GTF2IRD2: variants seen among roughly 807,000 people sequenced by gnomAD.
GTF2IRD2 encodes general transcription factor II-I repeat domain-containing protein 2A.
GTF2IRD2 carries 8 observed loss-of-function variants against 49.2 expected under a neutral mutation model. The observed-to-expected ratio is 0.16, with a 90% CI of 0.10 to 0.29. The LOEUF (loss-of-function observed/expected upper bound fraction) is 0.29, where lower values mean the gene tolerates loss of function less well. Among genes scored for constraint, GTF2IRD2 ranks in the 10% least tolerant of loss-of-function variants. GTF2IRD2 has a pLI of 1.00. For synonymous variants in GTF2IRD2, 47 were observed against 289.7 expected (o/e 0.16, Z 8.51); for missense variants, 130 against 725.7 (o/e 0.18, Z 9.43).
rs782473090 is a variant in GTF2IRD2, at chr7:74,846,806, C to CT, written c.-6+4560dup. Among the ~76,000 whole-genome samples, 115 of 44,964 alleles carry CT rather than the reference C, an allele frequency of 2.6e-3. 1 individual carries two copies. The highest frequency in any genetic ancestry group is 4.5e-3 in the Non-Finnish European group (92 of 20,522). 29.5% of individuals were successfully genotyped at this position (44,964 alleles called of 152,430 possible). A position where few individuals can be genotyped will look rare whatever the true frequency, so the allele number is the denominator to read the frequency against. On this transcript the variant is annotated intron_variant, in intron 1 of 15. Coordinates refer to ENST00000451013, the MANE Select transcript of GTF2IRD2 (RefSeq NM_173537.5). The stretch of plus-strand genomic sequence containing the variant: ...TTACCATGCGCCTGGCTAATTTTGA[C>CT]TTTTTTTTTTTTTTTTTTTTTTTGT...
At chr7:74,829,875 G>A (rs1292961608) in intron 3 of GTF2IRD2, among the ~76,000 whole-genome samples, 4 of 119,238 alleles carry the variant, frequency 3.4e-5, no homozygotes, top group Admixed American at 8.3e-5. Flanking sequence ...GCGATAGAGC[G>A]AGATTCTGTC....
At chr7:74,799,990 G>A (rs1455362997) in intron 15 of GTF2IRD2, among the ~76,000 whole-genome samples, 3 of 131,704 alleles carry the variant, frequency 2.3e-5, no homozygotes, top group Admixed American at 8.1e-5. Context: ...AGGTGAAGGT[G>A]GGAGAATCAC....
rs1796966696 is a variant in GTF2IRD2 at position 74,796,506 on chromosome 7, A to C, written c.*156T>G. On this transcript the variant is annotated 3_prime_UTR_variant, in exon 16 of 16. Coordinates refer to ENST00000451013, the MANE Select transcript of GTF2IRD2 (RefSeq NM_173537.5). ...GAACCCAGGAGCTGGAAGTTGCAGT[A>C]AGCCGAGATCACGCCACTGCACTCC... 1.7e-6 allele frequency: 1 copy of C among 573,792 alleles called. No homozygotes were observed. Among genetic ancestry groups the C allele is most frequent in the Non-Finnish European group, 3.1e-6 (1 of 319,210 alleles). The allele number at this position is 573,792 out of a possible 1,614,324, so 35.5% of individuals were successfully genotyped here.
At chr7:74,806,371 G>A (rs1357858747) in intron 12 of GTF2IRD2, among the ~76,000 whole-genome samples, 2 of 127,842 alleles carry the variant, frequency 1.6e-5, no homozygotes, top group African/African-American at 5.6e-5. Context: ...GTGCAGTGGT[G>A]TGATCTCCGC....
At chr7:74,826,092 G>C (rs1799368832) in intron 3 of GTF2IRD2, among the ~76,000 whole-genome samples, 1 of 151,318 alleles carries the variant, frequency 6.6e-6, no homozygotes, top group Non-Finnish European at 1.5e-5. Flanking sequence ...GCCAAGTATA[G>C]TTTTCTTGCA....
chr7:74,829,796 G>A (rs1554420171), intron 3 of GTF2IRD2, among the ~76,000 whole-genome samples: 1 of 150,138 alleles, frequency 6.7e-6, no homozygotes, highest in African/African-American at 2.5e-5. Flanking sequence ...GCTGAGGCAG[G>A]AGAATGGCTT....
chr7:74,824,131 A>G (rs1216041558), intron 4 of GTF2IRD2, among the ~76,000 whole-genome samples: 1 of 123,920 alleles, frequency 8.1e-6, no homozygotes, highest in Non-Finnish European at 1.7e-5. Flanking sequence ...GAGCCACTGC[A>G]CTCCAGCCCG....
intron 11 of GTF2IRD2, among the ~76,000 whole-genome samples, chr7:74,807,371 AG>A (rs1170775104): frequency 1.3e-5 from 1 of 77,278 alleles, no homozygotes; most frequent in Non-Finnish European, 2.7e-5. Context: ...TTTGCCTCCC[AG>A]GTTCAAGTGA....
intron 1 of GTF2IRD2, among the ~76,000 whole-genome samples, chr7:74,841,788 T>G (rs1376043148): frequency 7.0e-6 from 1 of 142,942 alleles, no homozygotes; most frequent in Non-Finnish European, 1.5e-5. Context: ...TTCAGGTTGA[T>G]AGCTAAAGGG....
At chr7:74,818,460 T>C (rs78683519) in intron 8 of GTF2IRD2, among the ~76,000 whole-genome samples, 179 of 5,580 alleles carry the variant, frequency 0.032, 2 homozygotes, top group East Asian at 0.28. Flanking sequence ...CTCTCTCTCT[T>C]TTTTTTTTTT....
chr7:74,844,774 C>T (rs1176749866), intron 1 of GTF2IRD2, among the ~76,000 whole-genome samples: 3 of 46,636 alleles, frequency 6.4e-5, no homozygotes, highest in African/African-American at 1.9e-4. Flanking sequence ...TGCAACTTCC[C>T]CATCCCGGGC....
intron 7 of GTF2IRD2, 95 bp downstream of exon 7, chr7:74,819,874 C>T: frequency 2.9e-6 from 3 of 1,047,716 alleles, no homozygotes; most frequent in Non-Finnish European, 4.4e-6. Context: ...TAACCCTTTA[C>T]ACTCCACTTA....
rs587635081 is a variant in GTF2IRD2, at chr7:74,827,006, C to T, written c.239-1954G>A. 1.2e-3 allele frequency among the ~76,000 whole-genome samples: 180 copies of T among 152,024 alleles called. 1 individual carries two copies. The highest frequency in any genetic ancestry group is 3.4e-3 in the Middle Eastern group (1 of 292). ...GATTATAGGCATGCACTACCATGCCCGGCCATTTCATTCTTTTTTATGGCT... is the reference window on the plus strand; with the variant it reads ...GATTATAGGCATGCACTACCATGCCTGGCCATTTCATTCTTTTTTATGGCT... On this transcript the variant is annotated intron_variant, in intron 3 of 15. Coordinates refer to ENST00000451013, the MANE Select transcript of GTF2IRD2 (RefSeq NM_173537.5).
chr7:74,825,781 G>A (rs1453486168), intron 3 of GTF2IRD2, among the ~76,000 whole-genome samples: 1 of 150,950 alleles, frequency 6.6e-6, no homozygotes, highest in Non-Finnish European at 1.5e-5. Context: ...AGGGGCACAA[G>A]TATAGTTTTC....
At chr7:74,830,747 AG>A in intron 3 of GTF2IRD2, among the ~76,000 whole-genome samples, 1 of 78,440 alleles carries the variant, frequency 1.3e-5, no homozygotes, top group East Asian at 3.6e-4. Context: ...AGTGGGGGCA[AG>A]GGTTGCAAAA....
chr7:74,837,904 C>A (rs1800445217), intron 1 of GTF2IRD2, among the ~76,000 whole-genome samples: 1 of 62,428 alleles, frequency 1.6e-5, no homozygotes, highest in Non-Finnish European at 2.6e-5. Context: ...GCGCCTGCCA[C>A]CACGCCTGGC....
rs587768733 is a variant in GTF2IRD2 at position 74,842,166 on chromosome 7, T to C, written c.-5-5783A>G. Among the ~76,000 whole-genome samples, 10 of 114,632 alleles carry C rather than the reference T, an allele frequency of 8.7e-5. No homozygotes were observed. The East Asian group carries it at 2.1e-3, about 24-fold the overall frequency. 75.2% of individuals were successfully genotyped at this position (114,632 alleles called of 152,430 possible). A position where few individuals can be genotyped will look rare whatever the true frequency, so the allele number is the denominator to read the frequency against. On this transcript the variant is annotated intron_variant, in intron 1 of 15. Coordinates refer to ENST00000451013, the MANE Select transcript of GTF2IRD2 (RefSeq NM_173537.5). Reference sequence around the variant, plus strand: ...AAACAAAAATTGACTGTGATGATAGTTGTACAACTCTGTGAATCTATTTCA... The same window carrying C: ...AAACAAAAATTGACTGTGATGATAGCTGTACAACTCTGTGAATCTATTTCA...
At chr7:74,826,731 T>C (rs1212738090) in intron 3 of GTF2IRD2, among the ~76,000 whole-genome samples, 28 of 95,342 alleles carry the variant, frequency 2.9e-4, no homozygotes, top group African/African-American at 1.3e-3. Context: ...TTTTTTTTTT[T>C]GAGAGAGTCT....
chr7:74,841,502 A>G (rs1800826785), intron 1 of GTF2IRD2, among the ~76,000 whole-genome samples: 1 of 126,918 alleles, frequency 7.9e-6, no homozygotes, highest in Admixed American at 7.4e-5. Flanking sequence ...GAGTCTCACA[A>G]TGTCACCCAG....
Sources: gnomAD v4.1 joint callset for allele counts (sites outside exome capture counted in the v4.1 genomes callset) on GRCh38, gnomAD v4.1.1 for gene constraint, MANE v1.5 for transcripts, NCBI Gene and HGNC (gene_info 2026-07-23, HGNC 2026-07-21) for gene names.